Variants in MRPL30 observed in about 807,000 individuals in gnomAD.
MRPL30 encodes the protein mitochondrial ribosomal protein L30, also known as large ribosomal subunit protein uL30m.
In MRPL30, 10 loss-of-function variants were observed where a neutral mutation model predicts 17.2. The observed-to-expected ratio is 0.58, with a 90% CI of 0.36 to 0.99. The LOEUF is 0.99. Ranked by LOEUF, MRPL30 falls within the 50% of genes least tolerant of loss-of-function variation. MRPL30 has a pLI of 0.01. For synonymous variants in MRPL30, 61 were observed against 62.1 expected, an observed-to-expected ratio of 0.98 and a Z score of 0.08; for missense variants, 170 against 189.8, an observed-to-expected ratio of 0.90 and a Z score of 0.61.
rs2093956227 is a variant in MRPL30, at chr2:99,197,074, G to A, written c.*1369G>A. Reference sequence around the variant, plus strand: ...GAATCCTAAGGAACCTCTGTCAACAGTTGAGGTTGCTGTTGAAAAGAAAGA... The same window carrying A: ...GAATCCTAAGGAACCTCTGTCAACAATTGAGGTTGCTGTTGAAAAGAAAGA... On this transcript the variant is annotated 3_prime_UTR_variant, in exon 6 of 6. Coordinates refer to ENST00000338148, the MANE Select transcript of MRPL30 (RefSeq NM_145212.4). 1 of 152,152 alleles carries A rather than the reference G, an allele frequency of 6.6e-6. No homozygotes were observed. The highest frequency in any genetic ancestry group is 2.1e-4 in the South Asian group (1 of 4,832). 9.4% of individuals were successfully genotyped at this position (152,152 alleles called of 1,614,324 possible).
Position 99,198,322 on chromosome 2 carries a change from C to T in MRPL30, c.*2617C>T, listed in dbSNP as rs114800734. Among the ~76,000 whole-genome samples, 930 of 152,264 alleles carry T rather than the reference C, an allele frequency of 6.1e-3. 5 individuals carry two copies. Among genetic ancestry groups the T allele is most frequent in the African/African-American group, 0.021 (885 of 41,530 alleles). ...GTGTCTGGCCAGGTGCTCATTGTAG[C>T]TTTGACAGGGAAGGGATCTGCTCCC... is the stretch of plus-strand genomic sequence containing the variant. On this transcript the variant is annotated 3_prime_UTR_variant, in exon 6 of 6. Coordinates refer to ENST00000338148, the MANE Select transcript of MRPL30 (RefSeq NM_145212.4).
In MRPL30 at chr2:99,186,164, C is replaced by T; in HGVS notation, c.-27-13C>T. On this transcript the variant is annotated splice_polypyrimidine_tract_variant and intron_variant, in intron 1 of 5. Transcript: ENST00000338148. The stretch of plus-strand genomic sequence containing the variant: ...CATAGTTGACTGATGGGTCTACTTC[C>T]TACTTCCCACAGCCTCTAAAGAGAG... 2 of 1,598,446 alleles carry T rather than the reference C, an allele frequency of 1.3e-6. No homozygotes were observed. Among genetic ancestry groups the T allele is most frequent in the African/African-American group, 1.3e-5 (1 of 74,544 alleles).
chr2:99,185,903 A>G, intron 1 of MRPL30: 1 of 450,850 alleles, frequency 2.2e-6, no homozygotes, highest in Non-Finnish European at 4.2e-6. Context: ...TTCATTGTTG[A>G]AGAAGACACT....
intron 3 of MRPL30, among the ~76,000 whole-genome samples, chr2:99,193,562 C>T (rs532128763): frequency 1.3e-5 from 2 of 152,148 alleles, no homozygotes; most frequent in South Asian, 4.1e-4. Context: ...ATCACATATG[C>T]ACACTCATGT....
chr2:99,194,232 T>C (rs138470555), intron 3 of MRPL30, among the ~76,000 whole-genome samples: 20 of 152,260 alleles, frequency 1.3e-4, no homozygotes, highest in African/African-American at 4.3e-4. Context: ...TAGAGGAGTG[T>C]TTCTGTGGGA....
At chr2:99,192,317 T>G (rs567899501) in intron 3 of MRPL30, among the ~76,000 whole-genome samples, 10 of 152,312 alleles carry the variant, frequency 6.6e-5, no homozygotes, top group African/African-American at 2.4e-4. Context: ...CGTGCAGATT[T>G]GTCACATAGG....
intron 3 of MRPL30, among the ~76,000 whole-genome samples, chr2:99,192,645 T>C (rs1465095180): frequency 3.3e-5 from 5 of 152,224 alleles, no homozygotes; most frequent in African/African-American, 1.2e-4. Context: ...TTGATGGGCA[T>C]TTGGGTTGGT....
chr2:99,190,029 C>T (rs1009868430), intron 3 of MRPL30, among the ~76,000 whole-genome samples: 4 of 149,660 alleles, frequency 2.7e-5, no homozygotes, highest in Non-Finnish European at 4.4e-5. Context: ...GGAGGCTGAG[C>T]GGGGAGGATT....
intron 1 of MRPL30, among the ~76,000 whole-genome samples, chr2:99,184,560 A>G (rs1005233587): frequency 6.6e-6 from 1 of 152,194 alleles, no homozygotes. Context: ...ATTTTTGAGC[A>G]GAGTGACATG....
chr2:99,189,600 ATTCATGTATAGAT>A (rs2105245298), intron 3 of MRPL30, among the ~76,000 whole-genome samples: 1 of 152,334 alleles, frequency 6.6e-6, no homozygotes, highest in African/African-American at 2.4e-5. Context: ...TGCTATAAAC[ATTCATGTATAGAT>A]TTTTGTGTGG....
rs142661815 is a variant in MRPL30 at position 99,194,851 on chromosome 2, G to A, written c.233G>A (p.Arg78His). The change falls in exon 4 of 6, where the codon CGT becomes CAT. Residue 78 changes from arginine (R) to histidine (H), a missense_variant. Transcript: ENST00000338148. ...ACCAGAATAAAAAGTACAAGAAGAC[G>A]TCCATATTGGGAAAAAGATATAATA... ...IVTRIKSTRR[R>H]PYWEKDIIKM... 15,099 of 1,587,028 alleles carry A rather than the reference G, an allele frequency of 9.5e-3. 117 individuals carry two copies. Among genetic ancestry groups the A allele is most frequent in the Middle Eastern group, 0.014 (87 of 6,006 alleles).
At chr2:99,188,045 C>A (rs1490667071) in intron 2 of MRPL30, 132 bp from the exon 3 acceptor site, 1 of 609,384 alleles carries the variant, frequency 1.6e-6, no homozygotes, top group Non-Finnish European at 2.9e-6. Context: ...GTTCACTCAG[C>A]TAGGGAGCTA....
chr2:99,184,194 A>ATG (rs2093930377), intron 1 of MRPL30, among the ~76,000 whole-genome samples: 1 of 152,166 alleles, frequency 6.6e-6, no homozygotes, highest in Non-Finnish European at 1.5e-5. Flanking sequence ...TGTCACTTTG[A>ATG]CATACCCCAT....
rs2093933776 is a variant in MRPL30 at position 99,186,222 on chromosome 2, T to G, written c.19T>G (p.Leu7Val). 1.2e-6 allele frequency: 2 copies of G among 1,614,054 alleles called. No homozygotes were observed. The highest frequency in any genetic ancestry group is 1.3e-5 in the African/African-American group (1 of 74,948). Residue 7 changes from leucine (L) to valine (V), a missense_variant, in exon 2 of 6, where the codon TTA becomes GTA. By Grantham distance (32) the Leu-to-Val change is conservative. Transcript: ENST00000338148. Reference protein sequence around the residue: MAGILRLVVQWPPGRLQ... With the variant: MAGILRVVVQWPPGRLQ... ...TACACTTATGGCTGGGATTTTGCGC[T>G]TAGTAGTTCAATGGCCCCCAGGCAG... is the stretch of plus-strand genomic sequence containing the variant.
chr2:99,188,740 GC>G (rs1232072071), intron 3 of MRPL30, among the ~76,000 whole-genome samples: 2 of 151,976 alleles, frequency 1.3e-5, no homozygotes, highest in Non-Finnish European at 2.9e-5. Context: ...TTGCTTTGTT[GC>G]CCAGGCTGGA....
In MRPL30 at chr2:99,197,972, A is replaced by G. The variant is rs763000830; in HGVS notation, c.*2267A>G. On this transcript the variant is annotated 3_prime_UTR_variant, in exon 6 of 6. Transcript: ENST00000338148. ...CTGTACTAATATTAATATTGTGTAA[A>G]TAGGGGAAAATACCATGGTTAATTT... Among the ~76,000 whole-genome samples, 1 of 152,166 alleles carries G rather than the reference A, an allele frequency of 6.6e-6. No homozygotes were observed. The highest frequency in any genetic ancestry group is 2.4e-5 in the African/African-American group (1 of 41,428).
At chr2:99,194,992 T>G in intron 4 of MRPL30, 95 bp downstream of exon 4, 1 of 1,362,320 alleles carries the variant, frequency 7.3e-7, no homozygotes, top group Non-Finnish European at 9.9e-7. Flanking sequence ...ATTTATTTTG[T>G]ATTACTTAGG....
intron 3 of MRPL30, among the ~76,000 whole-genome samples, chr2:99,194,224 G>A (rs1434612378): frequency 1.3e-5 from 2 of 152,104 alleles, no homozygotes; most frequent in African/African-American, 4.8e-5. Context: ...TGTATACTTA[G>A]AGGAGTGTTT....
intron 1 of MRPL30, 42 bp from the exon 2 acceptor site, chr2:99,186,135 A>G (rs759526088): frequency 1.4e-6 from 2 of 1,398,116 alleles, no homozygotes; most frequent in Non-Finnish European, 2.0e-6. Context: ...GTTCATTTCC[A>G]AGACATAGTT....
Sources: allele counts gnomAD v4.1 joint callset (sites outside exome capture counted in the v4.1 genomes callset), GRCh38; gene constraint gnomAD v4.1.1; transcripts MANE v1.5; gene names NCBI Gene and HGNC (gene_info 2026-07-23, HGNC 2026-07-21).